KPNA6: variants seen among roughly 807,000 people sequenced by gnomAD.
The protein encoded by KPNA6 is karyopherin subunit alpha 6, also known as importin subunit alpha-7.
A neutral mutation model predicts 72.0 loss-of-function variants in KPNA6; 9 were observed. That is an observed-to-expected ratio of 0.13 (90% confidence interval 0.08 to 0.22). The LOEUF (loss-of-function observed/expected upper bound fraction) is 0.22, where lower values mean the gene tolerates loss of function less well. Among genes scored for constraint, KPNA6 ranks in the 10% least tolerant of loss-of-function variants. KPNA6 has a pLI of 1.00. For synonymous variants in KPNA6, 219 were observed against 242.1 expected (o/e 0.90, Z 0.89); for missense variants, 374 against 655.7 (o/e 0.57, Z 4.69).
chr1:32,126,852 A>C (rs1641545051), intron 1 of KPNA6, among the ~76,000 whole-genome samples: 1 of 152,152 alleles, frequency 6.6e-6, no homozygotes, highest in Non-Finnish European at 1.5e-5. Context: ...ATGGAAGGAT[A>C]AAGATTAAGA....
chr1:32,109,964 T>A (rs1273598593), intron 1 of KPNA6, among the ~76,000 whole-genome samples: 1 of 151,800 alleles, frequency 6.6e-6, no homozygotes, highest in Non-Finnish European at 1.5e-5. Flanking sequence ...CACTTTGAAA[T>A]CCTTTTTCTG....
intron 1 of KPNA6, among the ~76,000 whole-genome samples, chr1:32,111,312 T>C (rs910412823): frequency 3.3e-5 from 5 of 152,208 alleles, no homozygotes; most frequent in African/African-American, 4.8e-5. Flanking sequence ...CACATAAATC[T>C]ATAAGACTTA....
intron 1 of KPNA6, among the ~76,000 whole-genome samples, chr1:32,145,192 C>T (rs1312439955): frequency 1.3e-5 from 2 of 151,386 alleles, no homozygotes; most frequent in African/African-American, 4.9e-5. Context: ...ATCTCCTGAC[C>T]TCGTGATCCA....
chr1:32,118,297 C>T (rs1641362799), intron 1 of KPNA6, among the ~76,000 whole-genome samples: 1 of 151,656 alleles, frequency 6.6e-6, no homozygotes, highest in African/African-American at 2.4e-5. Context: ...TTTATGCCTT[C>T]CAGTTTGGAA....
chr1:32,143,100 G>A (rs1397098205), intron 1 of KPNA6: 11 of 907,058 alleles, frequency 1.2e-5, no homozygotes, highest in Middle Eastern at 5.0e-4. Context: ...AGGGATAATC[G>A]GGCCTCAAAA....
intron 1 of KPNA6, among the ~76,000 whole-genome samples, chr1:32,125,927 C>A (rs1641523562): frequency 1.4e-5 from 2 of 142,878 alleles, no homozygotes; most frequent in Admixed American, 1.5e-4. Context: ...TATAAATAAT[C>A]TCATGTGAGG....
In KPNA6 at chr1:32,167,247, G is replaced by T. The variant is rs779674597; in HGVS notation, c.1195G>T (p.Ala399Ser). 2.5e-6 allele frequency: 4 copies of T among 1,614,138 alleles called. No individual in the cohort carries two copies. The highest frequency in any genetic ancestry group is 3.4e-6 in the Non-Finnish European group (4 of 1,180,008). Residue 399 changes from alanine (A) to serine (S), a missense_variant, in exon 12 of 14, where the codon GCC (alanine) becomes TCC (serine). Coordinates refer to ENST00000373625, the MANE Select transcript of KPNA6 (RefSeq NM_012316.5). Reference sequence around the variant, plus strand: ...AGAGTTTCGTACAAGGAAAGAGGCAGCCTGGGCCATCACCAATGCCACATC... The same window carrying T: ...AGAGTTTCGTACAAGGAAAGAGGCATCCTGGGCCATCACCAATGCCACATC... ...KAEFRTRKEA[A>S]WAITNATSGG... is the part of the protein sequence containing the mutation.
At chr1:32,145,194 C>T (rs1402332620) in intron 1 of KPNA6, among the ~76,000 whole-genome samples, 1 of 151,164 alleles carries the variant, frequency 6.6e-6, no homozygotes, top group Non-Finnish European at 1.5e-5. Context: ...CTCCTGACCT[C>T]GTGATCCACC....
chr1:32,146,532 A>T (rs183889624), intron 1 of KPNA6, among the ~76,000 whole-genome samples: 54 of 152,266 alleles, frequency 3.5e-4, no homozygotes, highest in Admixed American at 7.9e-4. Context: ...TTAATATTCT[A>T]ACTTTATAAC....
chr1:32,162,580 T>A, intron 9 of KPNA6, 56 bp downstream of exon 9: 1 of 1,592,886 alleles, frequency 6.3e-7, no homozygotes, highest in South Asian at 1.1e-5. Context: ...CTTATGCTTA[T>A]AATCCCAGCA....
chr1:32,159,584 A>T, intron 6 of KPNA6, 53 bp downstream of exon 6: 1 of 1,578,946 alleles, frequency 6.3e-7, no homozygotes, highest in Non-Finnish European at 8.6e-7. Context: ...ATAATAAAAA[A>T]TATATTTGGT....
intron 2 of KPNA6, among the ~76,000 whole-genome samples, chr1:32,155,653 C>T (rs1226489186): frequency 2.0e-5 from 3 of 151,780 alleles, no homozygotes; most frequent in Non-Finnish European, 2.9e-5. Flanking sequence ...AATGCCTCAC[C>T]ATCTGCACTC....
rs939390013 is a variant in KPNA6 at position 32,157,019 on chromosome 1, A to G, written c.231+74A>G. 2.8e-5 allele frequency: 29 copies of G among 1,053,380 alleles called. 1 individual carries two copies. The East Asian group carries it at 6.9e-4, about 25-fold the overall frequency. The allele number at this position is 1,053,380 out of a possible 1,614,324, so 65.3% of individuals were successfully genotyped here. A position where few individuals can be genotyped will look rare whatever the true frequency, so the allele number is the denominator to read the frequency against. ...TAAGGACAGAAATTGGGCCGTTCAC[A>G]TCATCTACCAGCTTTGCCAGTAACC... On this transcript the variant is annotated intron_variant, in intron 3 of 13. Coordinates refer to ENST00000373625, the MANE Select transcript of KPNA6 (RefSeq NM_012316.5).
intron 1 of KPNA6, 135 bp from the exon 2 acceptor site, chr1:32,154,453 T>C (rs538528135): frequency 1.3e-6 from 1 of 788,546 alleles, no homozygotes; most frequent in East Asian, 2.7e-5. Context: ...AGATGTCAGG[T>C]GCTATTGAGA....
At chr1:32,128,403 A>ATT (rs1641575268) in intron 1 of KPNA6, among the ~76,000 whole-genome samples, 1 of 124,552 alleles carries the variant, frequency 8.0e-6, no homozygotes, top group East Asian at 2.2e-4. Context: ...ATATATATAT[A>ATT]TATATATATA....
intron 1 of KPNA6, among the ~76,000 whole-genome samples, chr1:32,115,852 T>A (rs1175248171): frequency 6.6e-6 from 1 of 152,162 alleles, no homozygotes; most frequent in Admixed American, 6.6e-5. Flanking sequence ...CAAGCGATTC[T>A]CCTGCCTCAG....
At chr1:32,135,633 ATTT>A (rs746020031) in intron 1 of KPNA6, among the ~76,000 whole-genome samples, 5 of 121,330 alleles carry the variant, frequency 4.1e-5, no homozygotes, top group Non-Finnish European at 1.8e-5. Flanking sequence ...ATGCTTGGCC[ATTT>A]TTTTTTTTTT....
intron 1 of KPNA6, 25 bp downstream of exon 1, chr1:32,108,159 G>A (rs886736790): frequency 1.2e-6 from 2 of 1,613,838 alleles, no homozygotes; most frequent in African/African-American, 2.7e-5. Flanking sequence ...CACGCAGTAG[G>A]GTTCTTGGGC....
chr1:32,145,707 T>C (rs970108132), intron 1 of KPNA6, among the ~76,000 whole-genome samples: 22 of 152,148 alleles, frequency 1.4e-4, no homozygotes, highest in African/African-American at 5.3e-4. Flanking sequence ...GGACATAATA[T>C]CCTTCTTCAA....
Sources: gnomAD v4.1 joint callset for allele counts (sites outside exome capture counted in the v4.1 genomes callset) on GRCh38, gnomAD v4.1.1 for gene constraint, MANE v1.5 for transcripts, NCBI Gene and HGNC (gene_info 2026-07-23, HGNC 2026-07-21) for gene names.